The following MYO16 variants were observed in gnomAD, a reference collection of about 807,000 sequenced individuals.
MYO16 encodes myosin XVI.
In MYO16, 94 loss-of-function variants were observed where a neutral mutation model predicts 205.3. That is an observed-to-expected ratio of 0.46 (90% CI 0.39 to 0.54). The LOEUF is 0.54. Ranked by LOEUF, MYO16 falls within the 20% of genes least tolerant of loss-of-function variation. The pLI is 0.00. For missense variants in MYO16, 2,315 were observed against 2,387.5 expected (o/e 0.97, Z 0.63); for synonymous variants, 988 against 954.0 (o/e 1.04, Z -0.66).
In MYO16 at chr13:109,139,642, G is replaced by A. The variant is rs576203170; in HGVS notation, c.4052-622G>A. On this transcript the variant is annotated intron_variant, in intron 31 of 34. Coordinates refer to ENST00000457511, the MANE Select transcript of MYO16 (RefSeq NM_001198950.3). The stretch of plus-strand genomic sequence containing the variant: ...GAGCTCTCCGAAAAAGAAATTCTTG[G>A]CCCTTTTAAGGGCTTACAAGTTTAA... Among the ~76,000 whole-genome samples, 4 of 152,298 alleles carry A rather than the reference G, an allele frequency of 2.6e-5. No homozygotes were observed. The South Asian group carries it at 6.2e-4, about 24-fold the overall frequency.
At chr13:108,982,796 G>C (rs1223506265) in intron 20 of MYO16, among the ~76,000 whole-genome samples, 1 of 152,068 alleles carries the variant, frequency 6.6e-6, no homozygotes, top group Admixed American at 6.6e-5. Context: ...GCTTGTTTTT[G>C]ATCTTAAGAC....
rs1394579363 is a variant in MYO16, at chr13:109,172,796, G to T, written c.5324-6746G>T. ...TTTTAGAGCTAGAAGAGTCATGAGG[G>T]TTTATCCAACAGAAACAACAATTAC... On this transcript the variant is annotated intron_variant, in intron 33 of 34. Transcript: ENST00000457511. Among the ~76,000 whole-genome samples, 8 of 150,564 alleles carry T rather than the reference G, an allele frequency of 5.3e-5. 1 individual carries two copies. In the South Asian group the frequency reaches 8.5e-4, roughly 16 times the overall value.
intron 34 of MYO16, among the ~76,000 whole-genome samples, chr13:109,184,124 C>A (rs190272191): frequency 6.6e-6 from 1 of 151,918 alleles, no homozygotes; most frequent in Non-Finnish European, 1.5e-5. Context: ...AATCATTAAA[C>A]GATAATTCTA....
chr13:108,840,105 A>T (rs750825410), intron 9 of MYO16, among the ~76,000 whole-genome samples: 6 of 152,192 alleles, frequency 3.9e-5, no homozygotes, highest in Non-Finnish European at 5.9e-5. Flanking sequence ...AGTTTTACTG[A>T]CTTGAAAATG....
In MYO16 at chr13:109,140,870, A is replaced by T; in HGVS notation, c.4658A>T (p.Gln1553Leu). 6.3e-7 allele frequency: 1 copy of T among 1,596,258 alleles called. No homozygotes were observed. The highest frequency in any genetic ancestry group is 8.5e-7 in the Non-Finnish European group (1 of 1,173,096). ...GAGACCAACCTCAAGTACCCCGTGC[A>T]GCCGGAGGGGTCGAGCCCGCTGTCC... ...VLETNLKYPVQPEGSSPLSPQ... is the reference protein window; with the variant it reads ...VLETNLKYPVLPEGSSPLSPQ... The change falls in exon 32 of 35, where the codon CAG becomes CTG. Residue 1553 changes from glutamine (Q) to leucine (L), a missense_variant. By Grantham distance (113) the Gln-to-Leu change is moderately radical (BLOSUM62 -2). Around this residue, in one of 3 missense-constraint regions of MYO16, gnomAD observed 1,097 missense variants for 1,092.0 expected, o/e 1.00. Coordinates refer to ENST00000457511, the MANE Select transcript of MYO16 (RefSeq NM_001198950.3). The surrounding 1 kb of genome is among the most constrained non-coding windows in gnomAD (Gnocchi z 8.0).
chr13:109,058,131 T>C (rs1409460674), intron 27 of MYO16, among the ~76,000 whole-genome samples: 1 of 152,152 alleles, frequency 6.6e-6, no homozygotes, highest in Non-Finnish European at 1.5e-5. Context: ...TTCCAGCTGA[T>C]GTTAACATTG....
chr13:108,579,761 T>C, the MYO16 span, among the ~76,000 whole-genome samples: 3 of 152,094 alleles, frequency 2.0e-5, no homozygotes, highest in Non-Finnish European at 1.5e-5. Context: ...TTTTTTTGTT[T>C]TTTGTTTTGT....
chr13:108,994,514 T>G (rs553543984), intron 21 of MYO16, among the ~76,000 whole-genome samples: 1 of 152,266 alleles, frequency 6.6e-6, no homozygotes, highest in Non-Finnish European at 1.5e-5. Flanking sequence ...AGACCATTGG[T>G]TTGAGCGATA....
At chr13:108,722,316 T>C (rs967861573) in intron 3 of MYO16, among the ~76,000 whole-genome samples, 5 of 152,170 alleles carry the variant, frequency 3.3e-5, no homozygotes, top group Admixed American at 2.6e-4. Context: ...ATTTCCTGGC[T>C]TGAAGAAAAT....
At position 109,140,293 on chromosome 13, in the gene MYO16, G is replaced by T; in HGVS notation, c.4081G>T (p.Asp1361Tyr). Residue 1361 changes from aspartate (D) to tyrosine (Y), a missense_variant, in exon 32 of 35, where the codon GAC (aspartate) becomes TAC (tyrosine). This residue lies in a region of MYO16 where 1,097 missense variants were observed against 1,092.0 expected (regional missense o/e 1.00). Coordinates refer to ENST00000457511, the MANE Select transcript of MYO16 (RefSeq NM_001198950.3). The surrounding 1 kb of genome is among the most constrained non-coding windows in gnomAD (Gnocchi z 8.0). ...ALARPRPHSD[D>Y]YSTMKKIPPR... ...GGCCCGGCCCAGACCGCACAGCGACGACTACAGCACCATGAAGAAGATTCC... is the reference window on the plus strand; with the variant it reads ...GGCCCGGCCCAGACCGCACAGCGACTACTACAGCACCATGAAGAAGATTCC... 6.2e-7 allele frequency: 1 copy of T among 1,601,254 alleles called. No individual in the cohort carries two copies.
chr13:109,167,996 A>G (rs1274794965), intron 33 of MYO16, among the ~76,000 whole-genome samples: 1 of 152,172 alleles, frequency 6.6e-6, no homozygotes, highest in Non-Finnish European at 1.5e-5. Flanking sequence ...GGGTAAAATA[A>G]TATTTAATAT....
At chr13:108,893,818 A>G (rs1169557024) in intron 14 of MYO16, among the ~76,000 whole-genome samples, 1 of 152,138 alleles carries the variant, frequency 6.6e-6, no homozygotes, top group Non-Finnish European at 1.5e-5. Flanking sequence ...GTTCATTCTA[A>G]AGGAGACAAT....
chr13:108,524,377 C>A, the MYO16 span, among the ~76,000 whole-genome samples: 2 of 152,030 alleles, frequency 1.3e-5, no homozygotes, highest in Admixed American at 1.3e-4. Flanking sequence ...CTCTCCCTCT[C>A]TCTTCTGTTT....
At chr13:108,609,866 A>G (rs370476688) in intron 1 of MYO16, among the ~76,000 whole-genome samples, 102 of 152,260 alleles carry the variant, frequency 6.7e-4, no homozygotes, top group African/African-American at 2.3e-3. Flanking sequence ...ATGGCCCTGC[A>G]TAAAGAGATT....
chr13:109,176,193 G>A (rs889992052), intron 33 of MYO16, among the ~76,000 whole-genome samples: 14 of 151,796 alleles, frequency 9.2e-5, no homozygotes, highest in East Asian at 3.9e-4. Context: ...TGAATGTTAC[G>A]TAGTCTCATA....
chr13:108,655,099 A>C (rs1881184277), intron 1 of MYO16, among the ~76,000 whole-genome samples: 5 of 151,784 alleles, frequency 3.3e-5, no homozygotes, highest in Admixed American at 3.3e-4. Flanking sequence ...CAAGCAGCCG[A>C]ATGTTAATCC....
chr13:109,203,190 A>G (rs1215162666), intron 34 of MYO16, among the ~76,000 whole-genome samples: 1 of 152,208 alleles, frequency 6.6e-6, no homozygotes, highest in Non-Finnish European at 1.5e-5. Flanking sequence ...AACAAACACA[A>G]ACAGGTGGGA....
chr13:108,961,417 A>G (rs1883574874), intron 17 of MYO16, 122 bp from the exon 18 acceptor site: 6 of 713,852 alleles, frequency 8.4e-6, no homozygotes, highest in Middle Eastern at 3.5e-4. Context: ...GGGATCTGCA[A>G]ACTCCCAACC....
chr13:109,049,926 C>CTGTGTGTGTGTGTG (rs35960970), intron 24 of MYO16, among the ~76,000 whole-genome samples: 6 of 105,906 alleles, frequency 5.7e-5, no homozygotes, highest in Non-Finnish European at 1.0e-4. Context: ...TTCCTTTGTC[C>CTGTGTGTGTGTGTG]TGTGTGTGTG....
Sources: allele counts gnomAD v4.1 joint callset (sites outside exome capture counted in the v4.1 genomes callset), GRCh38; gene constraint gnomAD v4.1.1; regional missense constraint gnomAD v4.1.1; non-coding constraint Gnocchi (gnomAD v3.1); transcripts MANE v1.5; gene names NCBI Gene and HGNC (gene_info 2026-07-23, HGNC 2026-07-21).